ERBB4: variants seen among roughly 807,000 people sequenced by gnomAD.
ERBB4 encodes the protein receptor tyrosine-protein kinase erbB-4.
In ERBB4, 42 loss-of-function variants were observed where a neutral mutation model predicts 158.0. That is an observed-to-expected ratio of 0.27 (90% CI 0.21 to 0.34). ERBB4 has a LOEUF of 0.34. ERBB4 is among the 10% of genes least tolerant of loss of function. The pLI, the probability that ERBB4 is intolerant of heterozygous loss-of-function variation, is 1.00. For missense variants in ERBB4, 1,333 were observed against 1,624.1 expected (o/e 0.82, Z 3.08); for synonymous variants, 583 against 558.7 (o/e 1.04, Z -0.61).
chr2:212,505,264 T>C (rs1015270309), intron 1 of ERBB4, among the ~76,000 whole-genome samples: 2 of 152,198 alleles, frequency 1.3e-5, no homozygotes, highest in Admixed American at 6.5e-5. Context: ...GCCTGGCTAA[T>C]TTTTGTATTT....
chr2:211,410,640 G>C (rs1251967306), intron 25 of ERBB4, among the ~76,000 whole-genome samples: 1 of 152,108 alleles, frequency 6.6e-6, no homozygotes, highest in Non-Finnish European at 1.5e-5. Flanking sequence ...TACTAGAAGT[G>C]ATTTGTATGA....
Position 211,871,732 on chromosome 2 carries a change from T to C in ERBB4, c.421+75698A>G, listed in dbSNP as rs1056457246. ...GCTGTTTTCCATCATAAACCAAAAA[T>C]ATATATTTCTATTACAAATCACTTT... On this transcript the variant is annotated intron_variant, in intron 3 of 27. Coordinates refer to ENST00000342788, the MANE Select transcript of ERBB4 (RefSeq NM_005235.3). Among the ~76,000 whole-genome samples the C allele has an allele frequency of 2.0e-5, 3 of 152,188 alleles. 1 individual carries two copies. The South Asian group carries it at 6.2e-4, about 31-fold the overall frequency.
At chr2:211,497,823 G>C (rs2065509839) in intron 20 of ERBB4, among the ~76,000 whole-genome samples, 1 of 152,064 alleles carries the variant, frequency 6.6e-6, no homozygotes, top group African/African-American at 2.4e-5. Flanking sequence ...ATAAATGTCT[G>C]GGTCTGAAAG....
At chr2:211,439,510 A>G (rs2063928527) in intron 20 of ERBB4, among the ~76,000 whole-genome samples, 1 of 152,198 alleles carries the variant, frequency 6.6e-6, no homozygotes, top group South Asian at 2.1e-4. Context: ...CTTGTAATCT[A>G]CTGAGTATAT....
intron 3 of ERBB4, among the ~76,000 whole-genome samples, chr2:211,923,857 G>T (rs1000411282): frequency 1.3e-5 from 2 of 151,956 alleles, no homozygotes; most frequent in African/African-American, 2.4e-5. Context: ...CAAGCAGCTG[G>T]GATTACAGGC....
At chr2:212,112,192 C>T (rs1214634265) in intron 2 of ERBB4, among the ~76,000 whole-genome samples, 1 of 152,068 alleles carries the variant, frequency 6.6e-6, no homozygotes, top group South Asian at 2.1e-4. Context: ...GAAACAAGGT[C>T]TCACTTTGCT....
chr2:212,410,236 T>G (rs1261829101), intron 1 of ERBB4, among the ~76,000 whole-genome samples: 1 of 143,678 alleles, frequency 7.0e-6, no homozygotes, highest in Non-Finnish European at 1.5e-5. Flanking sequence ...TGTAATGTAT[T>G]TATTGCTATG....
chr2:212,425,836 G>A (rs1327251115), intron 1 of ERBB4, among the ~76,000 whole-genome samples: 2 of 151,716 alleles, frequency 1.3e-5, no homozygotes, highest in Non-Finnish European at 3.0e-5. Flanking sequence ...ACCCACATTT[G>A]GGGAGATAGA....
chr2:211,716,662 C>G (rs577952275), intron 7 of ERBB4, among the ~76,000 whole-genome samples: 2 of 151,410 alleles, frequency 1.3e-5, no homozygotes, highest in South Asian at 4.2e-4. Flanking sequence ...GGCGACAGAG[C>G]GAGACTCCGT....
At chr2:211,839,667 A>G (rs7594604) in intron 3 of ERBB4, among the ~76,000 whole-genome samples, 37,357 of 152,002 alleles carry the variant, frequency 0.25, 5,580 homozygotes, top group East Asian at 0.41. Flanking sequence ...CTCTTTGTAA[A>G]TATATGGTAT....
chr2:212,199,377 G>A (rs1416681144), intron 1 of ERBB4, among the ~76,000 whole-genome samples: 2 of 152,154 alleles, frequency 1.3e-5, no homozygotes, highest in African/African-American at 4.8e-5. Flanking sequence ...GTGAGTGAGT[G>A]AACCTCATTA....
At chr2:212,339,916 G>C (rs370301541) in intron 1 of ERBB4, among the ~76,000 whole-genome samples, 2 of 151,986 alleles carry the variant, frequency 1.3e-5, no homozygotes, top group Non-Finnish European at 2.9e-5. Flanking sequence ...CCACAGTTAC[G>C]ATATACATTT....
At chr2:211,409,524 TGCTCTGATTTTG>T (rs2063212851) in intron 25 of ERBB4, among the ~76,000 whole-genome samples, 1 of 152,206 alleles carries the variant, frequency 6.6e-6, no homozygotes. Flanking sequence ...CCTGCTTTTT[TGCTCTGATTTTG>T]GCTCTATCAA....
chr2:211,474,570 C>T (rs2064909632), intron 20 of ERBB4, among the ~76,000 whole-genome samples: 1 of 151,806 alleles, frequency 6.6e-6, no homozygotes, highest in Non-Finnish European at 1.5e-5. Context: ...GTTCCATTTA[C>T]CAAGGAGTGT....
At chr2:212,513,845 A>G (rs1463334142) in intron 1 of ERBB4, among the ~76,000 whole-genome samples, 1 of 152,096 alleles carries the variant, frequency 6.6e-6, no homozygotes, top group South Asian at 2.1e-4. Context: ...AAAAAGAACA[A>G]TTTAAGTTTT....
intron 9 of ERBB4, among the ~76,000 whole-genome samples, chr2:211,710,092 T>C (rs1404327285): frequency 1.3e-5 from 2 of 152,170 alleles, no homozygotes; most frequent in Non-Finnish European, 2.9e-5. Context: ...TAAAACAATA[T>C]ATATTTAGGT....
chr2:211,486,990 T>C (rs2125561139), intron 20 of ERBB4, among the ~76,000 whole-genome samples: 2 of 151,590 alleles, frequency 1.3e-5, no homozygotes, highest in East Asian at 1.9e-4. Flanking sequence ...TGTTTTTTTC[T>C]TTTTTTTGTA....
Position 211,378,470 on chromosome 2 carries a change from A to G in ERBB4, c.*5145T>C, listed in dbSNP as rs936616374. On this transcript the variant is annotated 3_prime_UTR_variant, in exon 28 of 28. Coordinates refer to ENST00000342788, the MANE Select transcript of ERBB4 (RefSeq NM_005235.3). ...TATTATTTTAGAGAGACTTTTAATG[A>G]AAAGAAAAAAGCAGCTCACACTGCT... 16 of 232,720 alleles carry G rather than the reference A, an allele frequency of 6.9e-5. No individual in the cohort carries two copies. Among genetic ancestry groups the G allele is most frequent in the Admixed American group, 3.9e-4 (7 of 17,746 alleles). 14.4% of individuals were successfully genotyped at this position (232,720 alleles called of 1,614,324 possible). A position where few individuals can be genotyped will look rare whatever the true frequency, so the allele number is the denominator to read the frequency against.
intron 2 of ERBB4, among the ~76,000 whole-genome samples, chr2:211,975,479 A>T (rs1215656514): frequency 6.6e-6 from 1 of 152,186 alleles, no homozygotes; most frequent in African/African-American, 2.4e-5. Flanking sequence ...TTCTTCAAAG[A>T]ACAACTTCAC....
Sources: allele counts gnomAD v4.1 joint callset (sites outside exome capture counted in the v4.1 genomes callset), GRCh38; gene constraint gnomAD v4.1.1; transcripts MANE v1.5; gene names NCBI Gene and HGNC (gene_info 2026-07-23, HGNC 2026-07-21).